Variants in ZNF239 observed in about 807,000 individuals in gnomAD.
The protein encoded by ZNF239 is zinc finger protein 239.
Under a neutral mutation model 27.5 loss-of-function variants are expected in ZNF239, and 16 were observed. The ratio of observed to expected loss-of-function variants is 0.58; its 90% CI spans 0.39 to 0.88. ZNF239 has a LOEUF of 0.88. Among genes scored for constraint, ZNF239 ranks in the 40% least tolerant of loss-of-function variants. The pLI is 0.00. For synonymous variants in ZNF239, 199 were observed against 192.6 expected (o/e 1.03, Z -0.27); for missense variants, 527 against 551.9 (o/e 0.95, Z 0.45).
intron 2 of ZNF239, among the ~76,000 whole-genome samples, chr10:43,572,659 C>T (rs929622588): frequency 6.6e-6 from 1 of 152,178 alleles, no homozygotes; most frequent in Non-Finnish European, 1.5e-5. Flanking sequence ...GAGCTCTCCA[C>T]CATAAAACGC....
chr10:43,556,689 T>C lies in ZNF239; in HGVS notation c.*14A>G, dbSNP rs1836758151. 2 of 1,607,696 alleles carry C rather than the reference T, an allele frequency of 1.2e-6. No homozygotes were observed. Among genetic ancestry groups the C allele is most frequent in the Non-Finnish European group, 8.5e-7 (1 of 1,176,326 alleles). On this transcript the variant is annotated 3_prime_UTR_variant, in exon 4 of 4. Coordinates refer to ENST00000374446, the MANE Select transcript of ZNF239 (RefSeq NM_001099282.2). ...AGTATGAGCGCTGTGAAGACCTGAA[T>C]GGGCTAATGTCAGTTAGCGAGGATC... is the stretch of plus-strand genomic sequence containing the variant.
In ZNF239 at chr10:43,557,802, CTGCTTTCCTGA is replaced by C; in HGVS notation, c.267_277del (p.His89GlnfsTer11). 1 of 1,614,240 alleles carries C rather than the reference CTGCTTTCCTGA, an allele frequency of 6.2e-7. No homozygotes were observed. Among genetic ancestry groups the C allele is most frequent in the Non-Finnish European group, 8.5e-7 (1 of 1,180,042 alleles). The stretch of plus-strand genomic sequence containing the variant: ...GCTTTCTTCCATTACAAAGAGACGT[CTGCTTTCCTGA>C]TGATCCTGAGGCTCATTCTTACAGA... On this transcript the variant is annotated frameshift_variant, in exon 4 of 4. Transcript: ENST00000374446. LOFTEE classifies it high-confidence loss of function.
At chr10:43,570,613 T>C (rs1264609582) in intron 2 of ZNF239, 3 of 984,922 alleles carry the variant, frequency 3.0e-6, no homozygotes, top group East Asian at 1.1e-4. Flanking sequence ...CTAATCCTCC[T>C]TCTCTACCTC....
intron 2 of ZNF239, among the ~76,000 whole-genome samples, chr10:43,571,145 G>C (rs757910986): frequency 7.3e-5 from 11 of 151,620 alleles, no homozygotes; most frequent in Admixed American, 2.6e-4. Flanking sequence ...CAACCAAAGA[G>C]GAAGGTCACA....
chr10:43,570,477 A>G, intron 2 of ZNF239: 1 of 984,974 alleles, frequency 1.0e-6, no homozygotes, highest in African/African-American at 1.7e-5. Flanking sequence ...CTTTCTGTTT[A>G]AGGCTAATCT....
rs60168443 is a variant in ZNF239 at position 43,573,229 on chromosome 10, T to C, written c.-216+408A>G. ...TTTTTTGTGTACAGGTAATATAATATGTTCATCAAGATGGTAAGCTCCTTG... is the reference window on the plus strand; with the variant it reads ...TTTTTTGTGTACAGGTAATATAATACGTTCATCAAGATGGTAAGCTCCTTG... On this transcript the variant is annotated intron_variant, in intron 2 of 3. Transcript: ENST00000374446. Among the ~76,000 whole-genome samples, 617 of 152,352 alleles carry C rather than the reference T, an allele frequency of 4.0e-3. 3 individuals carry two copies. Among genetic ancestry groups the C allele is most frequent in the African/African-American group, 0.014 (594 of 41,572 alleles).
At chr10:43,562,262 C>T (rs73262961) in intron 3 of ZNF239, among the ~76,000 whole-genome samples, 520 of 152,312 alleles carry the variant, frequency 3.4e-3, no homozygotes, top group African/African-American at 6.4e-3. Context: ...AGCACAAACC[C>T]GAAGTCTGAA....
chr10:43,557,152 G>A lies in ZNF239; in HGVS notation c.928C>T (p.Gln310Ter). The change falls in exon 4 of 4, where the codon CAG becomes TAG. Residue 310 changes from glutamine (Q) to a stop codon, truncating the protein, a stop_gained. Coordinates refer to ENST00000374446, the MANE Select transcript of ZNF239 (RefSeq NM_001099282.2). LOFTEE classifies it high-confidence loss of function. ...FSQSSKLHIH[Q>*]RVHTGEKPYE... is the part of the protein sequence containing the mutation. ...GGCTTCTCTCCAGTGTGGACTCGCT[G>A]GTGGATGTGCAGTTTGGAGCTCTGA... is the stretch of plus-strand genomic sequence containing the variant. 1 of 1,613,776 alleles carries A rather than the reference G, an allele frequency of 6.2e-7. No individual in the cohort carries two copies. The highest frequency in any genetic ancestry group is 8.5e-7 in the Non-Finnish European group (1 of 1,179,836).
chr10:43,563,461 T>C (rs1481276145), intron 3 of ZNF239, among the ~76,000 whole-genome samples: 4 of 152,176 alleles, frequency 2.6e-5, no homozygotes, highest in Non-Finnish European at 5.9e-5. Flanking sequence ...ACATTAAAAA[T>C]ACACAGTGTA....
chr10:43,573,760 T>G, intron 1 of ZNF239, 83 bp from the exon 2 acceptor site: 1 of 511,940 alleles, frequency 2.0e-6, no homozygotes, highest in Non-Finnish European at 2.5e-6. Context: ...ACTCCGCTCC[T>G]GCCTCTGACG....
rs1437352808 is a variant in ZNF239 at position 43,557,978 on chromosome 10, TC to T, written c.101del (p.Gly34GlufsTer14). ...ELDISPCQQW[G>X]EASSPISRNR... Reference sequence around the variant, plus strand: ...TTCTGGAAATAGGAGAAGATGCTTCTCCCCACTGTTGACAAGGGGAAATATC... The same window carrying T: ...TTCTGGAAATAGGAGAAGATGCTTCTCCCACTGTTGACAAGGGGAAATATC... On this transcript the variant is annotated frameshift_variant, in exon 4 of 4. Transcript: ENST00000374446. LOFTEE classifies it low-confidence loss of function (END_TRUNC). The T allele has an allele frequency of 1.2e-6, 2 of 1,614,166 alleles. No individual in the cohort carries two copies. The highest frequency in any genetic ancestry group is 3.3e-5 in the Admixed American group (2 of 60,020).
intron 3 of ZNF239, among the ~76,000 whole-genome samples, chr10:43,562,688 C>A (rs76997763): frequency 6.6e-6 from 1 of 152,174 alleles, no homozygotes; most frequent in African/African-American, 2.4e-5. Flanking sequence ...AGTCAGGAAA[C>A]AGGAATGTTT....
intron 2 of ZNF239, 44 bp from the exon 3 acceptor site, chr10:43,568,065 A>C: frequency 1.0e-6 from 1 of 985,892 alleles, no homozygotes; most frequent in Non-Finnish European, 1.2e-6. Context: ...AACCATCTGC[A>C]CAAATGCCCT....
Position 43,556,731 on chromosome 10 carries a change from T to C in ZNF239, c.1349A>G (p.Gln450Arg). ...GCGAGGATCTTTCTTGTGAACCCGCTGGTGGATGTGAAGGTTGGAGCTCTG... is the reference window on the plus strand; with the variant it reads ...GCGAGGATCTTTCTTGTGAACCCGCCGGTGGATGTGAAGGTTGGAGCTCTG... ...FSQSSNLHIH[Q>R]RVHKKDPR The change falls in exon 4 of 4, where the codon CAG (glutamine) becomes CGG (arginine). Residue 450 changes from glutamine (Q) to arginine (R), a missense_variant. Transcript: ENST00000374446. 1 of 1,613,898 alleles carries C rather than the reference T, an allele frequency of 6.2e-7. No individual in the cohort carries two copies. Among genetic ancestry groups the C allele is most frequent in the Non-Finnish European group, 8.5e-7 (1 of 1,179,830 alleles).
At chr10:43,560,491 G>A (rs982439659) in intron 3 of ZNF239, among the ~76,000 whole-genome samples, 5 of 151,682 alleles carry the variant, frequency 3.3e-5, no homozygotes, top group Admixed American at 2.6e-4. Flanking sequence ...CAGGGAATAG[G>A]AGGCCCACCT....
intron 2 of ZNF239, among the ~76,000 whole-genome samples, chr10:43,572,929 C>T (rs746620708): frequency 1.3e-5 from 2 of 152,154 alleles, no homozygotes; most frequent in Admixed American, 6.5e-5. Flanking sequence ...ACTCATTTTA[C>T]CTACCCTAGA....
intron 2 of ZNF239, among the ~76,000 whole-genome samples, chr10:43,569,387 T>A (rs1286492316): frequency 1.3e-5 from 2 of 152,188 alleles, no homozygotes; most frequent in Non-Finnish European, 2.9e-5. Flanking sequence ...AGGCCAAGCA[T>A]GAAACCCTCC....
At chr10:43,559,679 AAAAC>A (rs1471340493) in intron 3 of ZNF239, among the ~76,000 whole-genome samples, 51 of 152,228 alleles carry the variant, frequency 3.4e-4, no homozygotes, top group Admixed American at 3.3e-3. Flanking sequence ...TTAAAAAACA[AAAAC>A]AAAAACAAAA....
chr10:43,564,016 G>A (rs540079089), intron 3 of ZNF239, among the ~76,000 whole-genome samples: 1 of 152,190 alleles, frequency 6.6e-6, no homozygotes, highest in East Asian at 1.9e-4. Context: ...ACTGAGCCAG[G>A]CCATGTTCAC....
Sources: gnomAD v4.1 joint callset for allele counts (sites outside exome capture counted in the v4.1 genomes callset) on GRCh38, gnomAD v4.1.1 for gene constraint, MANE v1.5 for transcripts, NCBI Gene and HGNC (gene_info 2026-07-23, HGNC 2026-07-21) for gene names.